The following PEX1 variants were observed in gnomAD, a reference collection of about 807,000 sequenced individuals.
The protein encoded by PEX1 is peroxisomal biogenesis factor 1.
In PEX1, 97 loss-of-function variants were observed where a neutral mutation model predicts 152.5. The ratio of observed to expected loss-of-function variants is 0.64; its 90% confidence interval spans 0.54 to 0.75. PEX1 has a LOEUF of 0.75. Among genes scored for constraint, PEX1 ranks in the 30% least tolerant of loss-of-function variants. The probability of loss-of-function intolerance (pLI) is 0.00; values close to 1 mark genes in which losing one functional copy is unlikely to be tolerated. For synonymous variants in PEX1, 485 were observed against 531.6 expected, an observed-to-expected ratio of 0.91 and a Z score of 1.21; for missense variants, 1,357 against 1,516.3, an observed-to-expected ratio of 0.89 and a Z score of 1.74.
intron 15 of PEX1, among the ~76,000 whole-genome samples, 168 bp from the exon 16 acceptor site, chr7:92,500,006 T>G (rs571068793): frequency 8.5e-5 from 13 of 152,306 alleles, no homozygotes; most frequent in African/African-American, 2.4e-4. Context: ...TACTAAAAAC[T>G]GTAAATGAAC....
At position 92,521,111 on chromosome 7, in the gene PEX1, T is replaced by C. The variant is rs1332238596; in HGVS notation, c.273+991A>G. ...AGTAGCTGGGACTACAAGCATTTGC[T>C]ACCATGCCCAGCTAATTTTTTTAAT... is the stretch of plus-strand genomic sequence containing the variant. On this transcript the variant is annotated intron_variant, in intron 2 of 23. Transcript: ENST00000248633. Among the ~76,000 whole-genome samples, 4 of 152,102 alleles carry C rather than the reference T, an allele frequency of 2.6e-5. No individual in the cohort carries two copies. The East Asian group carries it at 7.7e-4, about 29-fold the overall frequency.
chr7:92,503,141 A>C lies in PEX1; in HGVS notation c.2126T>G (p.Ile709Ser). The change falls in exon 13 of 24, where the codon ATT becomes AGT. Residue 709 changes from isoleucine to serine, a missense_variant. Coordinates refer to ENST00000248633, the MANE Select transcript of PEX1 (RefSeq NM_000466.3). Reference sequence around the variant, plus strand: ...AGATTGCTGAGACTGACTTGTGGCAATCAGTGCAACCAAACTTCCCATGGA... The same window carrying C: ...AGATTGCTGAGACTGACTTGTGGCACTCAGTGCAACCAAACTTCCCATGGA... The part of the protein sequence containing the change: ...FISMGSLVAL[I>S]ATSQSQQSLH... The C allele has an allele frequency of 1.2e-6, 2 of 1,613,734 alleles. No individual in the cohort carries two copies. The highest frequency in any genetic ancestry group is 1.7e-6 in the Non-Finnish European group (2 of 1,179,694).
chr7:92,489,902 A>G lies in PEX1; in HGVS notation c.3448T>C (p.Cys1150Arg). Reference sequence around the variant, plus strand: ...GTCATGGAGCTTGGTGCAGAGAGACATTGTGAGCTCTGCATGGTAAATTGT... The same window carrying G: ...GTCATGGAGCTTGGTGCAGAGAGACGTTGTGAGCTCTGCATGGTAAATTGT... The part of the protein sequence containing the change: ...NGTSSDLSSQ[C>R]LSAPSSMTQD... Residue 1150 changes from cysteine (C) to arginine (R), a missense_variant, in exon 22 of 24, where the codon TGT becomes CGT. Cys to Arg is a radical substitution (Grantham distance 180). Transcript: ENST00000248633. 1 of 1,613,230 alleles carries G rather than the reference A, an allele frequency of 6.2e-7. No individual in the cohort carries two copies. Among genetic ancestry groups the G allele is most frequent in the Non-Finnish European group, 8.5e-7 (1 of 1,179,248 alleles).
At chr7:92,506,902 C>A (rs1792216948) in intron 10 of PEX1, 92 bp downstream of exon 10, 12 of 1,312,482 alleles carry the variant, frequency 9.1e-6, no homozygotes, top group Non-Finnish European at 1.3e-5. Context: ...TGGTCAAAAC[C>A]CACCCTATAT....
intron 10 of PEX1, 24 bp downstream of exon 10, chr7:92,506,970 A>C: frequency 6.2e-7 from 1 of 1,612,774 alleles, no homozygotes. Flanking sequence ...GTTACAGAAA[A>C]ATGAACACAC....
chr7:92,520,075 T>C (rs1478841199), intron 2 of PEX1, among the ~76,000 whole-genome samples: 2 of 151,612 alleles, frequency 1.3e-5, no homozygotes, highest in Non-Finnish European at 2.9e-5. Flanking sequence ...AGTTTCTTAG[T>C]GGCATTGCTG....
chr7:92,528,487 G>T lies in PEX1; in HGVS notation c.-52C>A, dbSNP rs1793413820. The T allele has an allele frequency of 1.3e-6, 2 of 1,515,478 alleles. No homozygotes were observed. The highest frequency in any genetic ancestry group is 4.9e-5 in the East Asian group (2 of 40,734). 93.9% of individuals were successfully genotyped at this position (1,515,478 alleles called of 1,614,324 possible). A position where few individuals can be genotyped will look rare whatever the true frequency, so the allele number is the denominator to read the frequency against. On this transcript the variant is annotated 5_prime_UTR_variant, in exon 1 of 24. Transcript: ENST00000248633. ...CCCACCCTAGCGCCGCAAAGGACCC[G>T]GGACCCGGCAGGCCGAGGACGTCGG... is the stretch of plus-strand genomic sequence containing the variant.
chr7:92,522,092 A>G lies in PEX1; in HGVS notation c.273+10T>C, dbSNP rs1793073947. On this transcript the variant is annotated intron_variant, in intron 2 of 23. Coordinates refer to ENST00000248633, the MANE Select transcript of PEX1 (RefSeq NM_000466.3). ...ATTAGAAGAAAGTTATTGCCATCAC[A>G]TGTGCTTACCTGTCCCCCATTTGAG... The G allele has an allele frequency of 6.2e-7, 1 of 1,613,498 alleles. No individual in the cohort carries two copies. Among genetic ancestry groups the G allele is most frequent in the Non-Finnish European group, 8.5e-7 (1 of 1,179,472 alleles).
intron 14 of PEX1, 85 bp from the exon 15 acceptor site, chr7:92,501,758 A>G (rs1195986794): frequency 7.3e-7 from 1 of 1,377,770 alleles, no homozygotes; most frequent in Admixed American, 1.8e-5. Context: ...AGCTGGAAAC[A>G]CTAATTTTCT....
intron 17 of PEX1, 135 bp from the exon 18 acceptor site, chr7:92,494,764 CCCTT>C: frequency 2.2e-6 from 1 of 452,092 alleles, no homozygotes; most frequent in South Asian, 5.4e-5. Flanking sequence ...TTACAACAAA[CCCTT>C]AAAGAAGGCA....
At chr7:92,495,998 A>G (rs1791635235) in intron 17 of PEX1, among the ~76,000 whole-genome samples, 1 of 152,078 alleles carries the variant, frequency 6.6e-6, no homozygotes, top group East Asian at 1.9e-4. Context: ...TTTGCTCCCA[A>G]ATATTTTCCA....
chr7:92,492,089 G>A (rs1447192407), intron 20 of PEX1, among the ~76,000 whole-genome samples: 1 of 152,114 alleles, frequency 6.6e-6, no homozygotes. Flanking sequence ...TCATAATACT[G>A]TCTTTAGAGA....
Position 92,518,180 on chromosome 7 carries a change from C to T in PEX1, c.433G>A (p.Val145Ile). The part of the protein sequence containing the change: ...RIVFPKAIFP[V>I]WVDQQTYIFI... ...ATGTACGTTTGTTGATCAACCCAAA[C>T]AGGAAAAATGGCTTTTGGAAAAACT... The change falls in exon 4 of 24, where the codon GTT becomes ATT. Residue 145 changes from valine to isoleucine, a missense_variant. Physicochemically the swap from Val to Ile is conservative, Grantham distance 29 (BLOSUM62 3). Transcript: ENST00000248633. The T allele has an allele frequency of 6.2e-7, 1 of 1,613,740 alleles. No homozygotes were observed. Among genetic ancestry groups the T allele is most frequent in the Non-Finnish European group, 8.5e-7 (1 of 1,179,734 alleles).
intron 6 of PEX1, 150 bp downstream of exon 6, chr7:92,513,698 T>G: frequency 3.4e-6 from 2 of 580,066 alleles, no homozygotes; most frequent in South Asian, 4.3e-5. Flanking sequence ...ATGGCGAACA[T>G]GGCATATTTT....
rs781629883 is a variant in PEX1 at position 92,489,276 on chromosome 7, CA to C, written c.3767+16del. On this transcript the variant is annotated intron_variant, in intron 23 of 23. Transcript: ENST00000248633. ...TGTAATAGTAGCTGTACTTCCAAAA[CA>C]GAATCTGTTACTTACAGCTCAGCAA... 56 of 1,609,738 alleles carry C rather than the reference CA, an allele frequency of 3.5e-5. No homozygotes were observed. The highest frequency in any genetic ancestry group is 4.5e-5 in the Non-Finnish European group (53 of 1,176,550).
At chr7:92,519,124 G>T (rs1474662763) in intron 2 of PEX1, 46 bp from the exon 3 acceptor site, 4 of 1,043,878 alleles carry the variant, frequency 3.8e-6, no homozygotes, top group Non-Finnish European at 5.9e-6. Flanking sequence ...AAACTTTTCT[G>T]TGTCATATAT....
Position 92,517,535 on chromosome 7 carries a change from C to G in PEX1, c.980G>C (p.Ser327Thr), listed in dbSNP as rs1792850948. 6.2e-7 allele frequency: 1 copy of G among 1,613,960 alleles called. No individual in the cohort carries two copies. The highest frequency in any genetic ancestry group is 1.3e-5 in the African/African-American group (1 of 74,904). The change falls in exon 5 of 24, where the codon AGC (serine) becomes ACC (threonine). Residue 327 changes from serine (S) to threonine (T), a missense_variant. By Grantham distance (58) the Ser-to-Thr change is moderately conservative. Transcript: ENST00000248633. ...TAGCTTTCCATATGTCACAGTAAAG[C>G]TGGGCTCTACATCAAAATATTCCTG... ...WDQEYFDVEP[S>T]FTVTYGKLVK...
In PEX1 at chr7:92,503,057, A is replaced by T. The variant is rs555656543; in HGVS notation, c.2210T>A (p.Ile737Asn). The change falls in exon 13 of 24, where the codon ATT becomes AAT. Residue 737 changes from isoleucine (I) to asparagine (N), a missense_variant. By Grantham distance (149) the Ile-to-Asn change is moderately radical. Transcript: ENST00000248633. ...GTGTATTACCTGATTAGGAGGCTGA[A>T]TGTGTTGGACGCACTGAAATATGTG... ...GVHIFQCVQH[I>N]QPPNQEQRCE... 6.2e-7 allele frequency: 1 copy of T among 1,613,514 alleles called. No homozygotes were observed. Among genetic ancestry groups the T allele is most frequent in the South Asian group, 1.1e-5 (1 of 91,064 alleles).
chr7:92,515,329 T>A (rs1792691247), intron 5 of PEX1, among the ~76,000 whole-genome samples: 1 of 151,998 alleles, frequency 6.6e-6, no homozygotes, highest in African/African-American at 2.4e-5. Context: ...GTTGTTTTTT[T>A]TTAATCACCA....
Sources: allele counts gnomAD v4.1 joint callset (sites outside exome capture counted in the v4.1 genomes callset), GRCh38; gene constraint gnomAD v4.1.1; transcripts MANE v1.5; gene names NCBI Gene and HGNC (gene_info 2026-07-23, HGNC 2026-07-21).